Variants in SNAP91 observed in about 807,000 individuals in gnomAD.
SNAP91 encodes synaptosome associated protein 91, also known as clathrin coat assembly protein AP180.
In SNAP91, 27 loss-of-function variants were observed where a neutral mutation model predicts 100.3. The observed-to-expected ratio is 0.27, with a 90% CI of 0.20 to 0.37. The LOEUF (loss-of-function observed/expected upper bound fraction) is 0.37, where lower values mean the gene tolerates loss of function less well. Among genes scored for constraint, SNAP91 ranks in the 10% least tolerant of loss-of-function variants. The probability of loss-of-function intolerance (pLI) is 1.00; values close to 1 mark genes in which losing one functional copy is unlikely to be tolerated. For missense variants in SNAP91, 986 were observed against 1,123.7 expected, an observed-to-expected ratio of 0.88 and a Z score of 1.75; for synonymous variants, 404 against 398.6, an observed-to-expected ratio of 1.01 and a Z score of -0.16.
intron 9 of SNAP91, 104 bp from the exon 10 acceptor site, chr6:83,617,143 G>C: frequency 1.7e-6 from 1 of 600,946 alleles, no homozygotes. Context: ...GATGGACCCC[G>C]ATATATATGT....
chr6:83,617,086 T>C (rs374326637), intron 9 of SNAP91, 47 bp from the exon 10 acceptor site: 77 of 1,253,414 alleles, frequency 6.1e-5, no homozygotes, highest in Non-Finnish European at 1.7e-5. Context: ...TTACTTTCAA[T>C]GTAAACACAC....
chr6:83,648,063 G>A (rs1238935676), intron 7 of SNAP91, among the ~76,000 whole-genome samples: 2 of 152,166 alleles, frequency 1.3e-5, no homozygotes, highest in African/African-American at 4.8e-5. Context: ...CAGCAGTACA[G>A]AACATTTTTA....
At chr6:83,555,809 G>A (rs1012773814) in intron 29 of SNAP91, among the ~76,000 whole-genome samples, 1 of 152,120 alleles carries the variant, frequency 6.6e-6, no homozygotes, top group Non-Finnish European at 1.5e-5. Flanking sequence ...TAGTATAAAT[G>A]TTAGCTTTCT....
At chr6:83,704,103 C>T (rs1055584853) in intron 2 of SNAP91, among the ~76,000 whole-genome samples, 3 of 149,376 alleles carry the variant, frequency 2.0e-5, no homozygotes, top group African/African-American at 7.3e-5. Flanking sequence ...TGGGCTATCC[C>T]TTAGGGCATC....
At chr6:83,648,519 G>A (rs2098058197) in intron 7 of SNAP91, among the ~76,000 whole-genome samples, 1 of 151,920 alleles carries the variant, frequency 6.6e-6, no homozygotes, top group South Asian at 2.1e-4. Flanking sequence ...TCTTTTTAAG[G>A]AAAACAGTAA....
At chr6:83,560,839 AT>A in intron 27 of SNAP91, 24 bp downstream of exon 27, 2 of 1,603,094 alleles carry the variant, frequency 1.2e-6, no homozygotes, top group Non-Finnish European at 1.7e-6. Flanking sequence ...GTTGATTACA[AT>A]TTTTAGCACA....
At chr6:83,634,027 A>G (rs1032492826) in intron 8 of SNAP91, among the ~76,000 whole-genome samples, 1 of 152,146 alleles carries the variant, frequency 6.6e-6, no homozygotes, top group East Asian at 1.9e-4. Flanking sequence ...GGTGCAGCAC[A>G]CCAACATGGC....
chr6:83,629,611 C>A (rs2128463811), intron 8 of SNAP91, among the ~76,000 whole-genome samples: 1 of 151,812 alleles, frequency 6.6e-6, no homozygotes, highest in East Asian at 1.9e-4. Context: ...TATTTTTTTG[C>A]AGTTATTGTA....
At chr6:83,675,730 C>T (rs905776626) in intron 2 of SNAP91, among the ~76,000 whole-genome samples, 6 of 150,818 alleles carry the variant, frequency 4.0e-5, no homozygotes, top group Non-Finnish European at 8.9e-5. Flanking sequence ...TCTTTATTAC[C>T]GTAAGGGAGA....
chr6:83,560,062 ATTAG>A, intron 28 of SNAP91, 38 bp downstream of exon 28: 1 of 1,485,200 alleles, frequency 6.7e-7, no homozygotes. Context: ...TTTTACACTT[ATTAG>A]TTAATGTCAC....
chr6:83,632,599 T>C (rs1484580893), intron 8 of SNAP91, among the ~76,000 whole-genome samples: 1 of 152,216 alleles, frequency 6.6e-6, no homozygotes, highest in Non-Finnish European at 1.5e-5. Flanking sequence ...TATTCTTTTT[T>C]CTTTGCTAGA....
intron 2 of SNAP91, among the ~76,000 whole-genome samples, chr6:83,701,173 AT>A (rs1294339433): frequency 6.6e-6 from 1 of 152,150 alleles, no homozygotes; most frequent in Non-Finnish European, 1.5e-5. Context: ...TTGAAAAGCT[AT>A]TATCAAGATA....
At chr6:83,699,542 A>G (rs1241994457) in intron 2 of SNAP91, among the ~76,000 whole-genome samples, 1 of 152,192 alleles carries the variant, frequency 6.6e-6, no homozygotes, top group Non-Finnish European at 1.5e-5. Context: ...ATTTATACGG[A>G]TGTAATAAAG....
In SNAP91 at chr6:83,707,819, G is replaced by T. The variant is rs1457889592; in HGVS notation, c.109C>A (p.Pro37Thr). Residue 37 changes from proline to threonine, a missense_variant, in exon 2 of 30, where the codon CCC becomes ACC. Physicochemically the swap from Pro to Thr is conservative, Grantham distance 38. Transcript: ENST00000369694. ...CKATTHEVMG[P>T]KKKHLDYLIQ... ...TTACAGTCCAGGTGCTTTTTCTTGG[G>T]GCCCATTACTTCATGAGTAGTGGCT... 6.2e-7 allele frequency: 1 copy of T among 1,612,904 alleles called. No homozygotes were observed. Among genetic ancestry groups the T allele is most frequent in the Non-Finnish European group, 8.5e-7 (1 of 1,179,558 alleles).
In SNAP91 at chr6:83,652,860, G is replaced by T. The variant is rs116117164; in HGVS notation, c.658+3894C>A. ...TTCACTTTTAAAGGACTATTTCACA[G>T]GGTAAAGAATTCTAGGTTAAGTGGG... On this transcript the variant is annotated intron_variant, in intron 7 of 29. Coordinates refer to ENST00000369694, the MANE Select transcript of SNAP91 (RefSeq NM_001242792.2). Among the ~76,000 whole-genome samples the T allele has an allele frequency of 3.1e-3, 467 of 151,844 alleles. 2 individuals are homozygous for T. Among genetic ancestry groups the T allele is most frequent in the African/African-American group, 0.011 (439 of 41,526 alleles).
At chr6:83,560,051 GTTT>G in intron 28 of SNAP91, 50 bp downstream of exon 28, 1 of 1,438,678 alleles carries the variant, frequency 7.0e-7, no homozygotes, top group South Asian at 1.1e-5. Context: ...CTACACCAAT[GTTT>G]TACACTTATT....
At chr6:83,666,571 T>A (rs1325204019) in intron 2 of SNAP91, among the ~76,000 whole-genome samples, 1 of 152,126 alleles carries the variant, frequency 6.6e-6, no homozygotes, top group African/African-American at 2.4e-5. Flanking sequence ...CACTCAGTAA[T>A]CATTAAACTA....
chr6:83,638,853 G>A (rs1439911438), intron 8 of SNAP91, among the ~76,000 whole-genome samples: 1 of 152,100 alleles, frequency 6.6e-6, no homozygotes, highest in Non-Finnish European at 1.5e-5. Flanking sequence ...TAGCTCCTAC[G>A]ATTCCGATAT....
At chr6:83,642,421 T>C (rs2097750658) in intron 7 of SNAP91, among the ~76,000 whole-genome samples, 1 of 152,178 alleles carries the variant, frequency 6.6e-6, no homozygotes, top group South Asian at 2.1e-4. Flanking sequence ...TTCCCACCTA[T>C]GAGTGAGAAC....
Sources: gnomAD v4.1 joint callset for allele counts (sites outside exome capture counted in the v4.1 genomes callset) on GRCh38, gnomAD v4.1.1 for gene constraint, MANE v1.5 for transcripts, NCBI Gene and HGNC (gene_info 2026-07-23, HGNC 2026-07-21) for gene names.